The following OR7C1 variants were observed in gnomAD, a reference collection of about 807,000 sequenced individuals.
OR7C1 encodes the protein olfactory receptor family 7 subfamily C member 1, also known as olfactory receptor 7C1.
For synonymous variants in OR7C1, 152 were observed against 160.7 expected, an observed-to-expected ratio of 0.95 and a Z score of 0.41; for missense variants, 324 against 383.3, an observed-to-expected ratio of 0.85 and a Z score of 1.29.
chr19:14,815,226 C>T (rs1021048186), intron 1 of OR7C1, among the ~76,000 whole-genome samples: 5 of 152,266 alleles, frequency 3.3e-5, no homozygotes, highest in South Asian at 2.1e-4. Flanking sequence ...GGCTCTGGCT[C>T]GTCTACAGAG....
rs781463480 is a variant in OR7C1, at chr19:14,828,292, G to A, written c.-623+6782C>T. On this transcript the variant is annotated intron_variant, in intron 1 of 4. Coordinates refer to ENST00000641666, the Ensembl canonical transcript of OR7C1. ...GAGAGAGAAAGAGGGAAACGAGACA[G>A]GCATGCATTGCTAACCTTTCAGAAA... The A allele has an allele frequency of 4.5e-6, 7 of 1,542,184 alleles. No individual in the cohort carries two copies. The East Asian group carries it at 1.6e-4, about 35-fold the overall frequency.
chr19:14,811,367 A>G (rs1452132420), intron 1 of OR7C1, among the ~76,000 whole-genome samples: 4 of 151,542 alleles, frequency 2.6e-5, no homozygotes, highest in African/African-American at 4.9e-5. Context: ...CGTCATTTCA[A>G]TCTCCTCTGT....
exon 1 of OR7C1, chr19:14,835,098 A>C (rs1004492096): frequency 6.6e-6 from 1 of 152,176 alleles, no homozygotes; most frequent in African/African-American, 2.4e-5. Flanking sequence ...TCCGAGGAAG[A>C]GTTCCTTGTG....
Position 14,805,406 on chromosome 19 carries a change from A to ATTT in OR7C1, c.-435+4397_-435+4399dup, listed in dbSNP as rs33957500. Reference sequence around the variant, plus strand: ...GCAGGACCCAAGAAACAGGAAAATAATTTTTTTTTTTTTTTTTTTTTTTTT... The same window carrying ATTT: ...GCAGGACCCAAGAAACAGGAAAATAATTTTTTTTTTTTTTTTTTTTTTTTTTTT... On this transcript the variant is annotated intron_variant, in intron 2 of 4. Transcript: ENST00000641666. Among the ~76,000 whole-genome samples, 218 of 98,098 alleles carry ATTT rather than the reference A, an allele frequency of 2.2e-3. 11 individuals carry two copies. Among genetic ancestry groups the ATTT allele is most frequent in the African/African-American group, 6.4e-3 (156 of 24,434 alleles). 64.4% of individuals were successfully genotyped at this position (98,098 alleles called of 152,430 possible).
intron 2 of OR7C1, among the ~76,000 whole-genome samples, chr19:14,803,945 G>A (rs2044654514): frequency 6.6e-6 from 1 of 151,938 alleles, no homozygotes; most frequent in African/African-American, 2.4e-5. Context: ...TCCTGATCTC[G>A]TGATCCACCT....
At chr19:14,813,360 C>T (rs2044700277) in intron 1 of OR7C1, among the ~76,000 whole-genome samples, 2 of 151,994 alleles carry the variant, frequency 1.3e-5, no homozygotes, top group Admixed American at 6.6e-5. Context: ...TGAGACCATC[C>T]TGATCTAACT....
Position 14,827,437 on chromosome 19 carries a change from G to A in OR7C1, c.-623+7637C>T, listed in dbSNP as rs2044779484. On this transcript the variant is annotated intron_variant, in intron 1 of 4. Transcript: ENST00000641666. ...ATCACTGAGGCTGTTGCACTTGAGT[G>A]TGAGTTGCGGGTGGCAGCAGAACTA... 4 of 1,614,158 alleles carry A rather than the reference G, an allele frequency of 2.5e-6. No homozygotes were observed. The East Asian group carries it at 6.7e-5, about 27-fold the overall frequency.
intron 2 of OR7C1, among the ~76,000 whole-genome samples, chr19:14,809,360 T>A (rs1457753421): frequency 6.6e-6 from 1 of 151,864 alleles, no homozygotes; most frequent in Admixed American, 6.6e-5. Context: ...TAAAGGAAGG[T>A]CAGATCCGGC....
At chr19:14,799,019 G>A (rs1280205042) in exon 5 of OR7C1, 2 of 878,970 alleles carry the variant, frequency 2.3e-6, no homozygotes, top group Non-Finnish European at 3.2e-6. Context: ...CAAGGACTCT[G>A]TGGCCCTCCC....
chr19:14,801,818 C>T (rs567769671), intron 2 of OR7C1, among the ~76,000 whole-genome samples: 5 of 152,310 alleles, frequency 3.3e-5, no homozygotes, highest in South Asian at 4.1e-4. Context: ...CGCGCTAAGG[C>T]GGTAGCACCA....
intron 1 of OR7C1, among the ~76,000 whole-genome samples, chr19:14,817,973 G>A (rs2044723212): frequency 6.6e-6 from 1 of 152,090 alleles, no homozygotes; most frequent in South Asian, 2.1e-4. Flanking sequence ...TTTTGAGTAT[G>A]TTCCTGTATC....
At chr19:14,818,014 G>A (rs73504295) in intron 1 of OR7C1, among the ~76,000 whole-genome samples, 6,558 of 152,014 alleles carry the variant, frequency 0.043, 231 homozygotes, top group African/African-American at 0.091. Context: ...TGTATTATTT[G>A]CAAATGCTAC....
chr19:14,814,775 A>G lies in OR7C1; in HGVS notation c.-622-4782T>C, dbSNP rs149894529. ...ACCTCCTCTTGGCCAAAGGAATCCC[A>G]GAAAAACTTTTAAAACTTCACTTCC... On this transcript the variant is annotated intron_variant, in intron 1 of 4. Transcript: ENST00000641666. Among the ~76,000 whole-genome samples the G allele has an allele frequency of 2.6e-3, 403 of 152,306 alleles. 1 individual carries two copies. Among genetic ancestry groups the G allele is most frequent in the African/African-American group, 9.3e-3 (388 of 41,552 alleles).
Position 14,806,660 on chromosome 19 carries a change from T to C in OR7C1, c.-435+3146A>G, listed in dbSNP as rs148110307. Reference sequence around the variant, plus strand: ...TTTGGTTTTCCATTCCTGTGTTAGTTTGCTGAGGATGATGGCTTCCAGCTT... The same window carrying C: ...TTTGGTTTTCCATTCCTGTGTTAGTCTGCTGAGGATGATGGCTTCCAGCTT... On this transcript the variant is annotated intron_variant, in intron 2 of 4. Coordinates refer to ENST00000641666, the Ensembl canonical transcript of OR7C1. 4.1e-3 allele frequency among the ~76,000 whole-genome samples: 620 copies of C among 152,078 alleles called. 22 individuals are homozygous for C. In the East Asian group the frequency reaches 0.076, roughly 19 times the overall value.
At chr19:14,805,935 C>T (rs1320537325) in intron 2 of OR7C1, among the ~76,000 whole-genome samples, 1 of 151,902 alleles carries the variant, frequency 6.6e-6, no homozygotes, top group African/African-American at 2.4e-5. Context: ...TGAGTCAATC[C>T]AAAAATGTAA....
At chr19:14,813,754 T>C (rs1388090523) in intron 1 of OR7C1, among the ~76,000 whole-genome samples, 1 of 151,994 alleles carries the variant, frequency 6.6e-6, no homozygotes, top group Non-Finnish European at 1.5e-5. Context: ...AGCCAGATCT[T>C]GTGAAAACTC....
chr19:14,825,951 A>G (rs1008504003), intron 1 of OR7C1: 1 of 152,170 alleles, frequency 6.6e-6, no homozygotes, highest in Non-Finnish European at 1.5e-5. Flanking sequence ...GCTGCTTCTT[A>G]TTTTGGCATT....
chr19:14,799,698 C>G, exon 5 of OR7C1: 1 of 1,614,008 alleles, frequency 6.2e-7, no homozygotes, highest in Non-Finnish European at 8.5e-7. Flanking sequence ...CACCAGGACC[C>G]CAGAACCAGC....
At chr19:14,811,797 A>G (rs886405146) in intron 1 of OR7C1, among the ~76,000 whole-genome samples, 4 of 151,932 alleles carry the variant, frequency 2.6e-5, no homozygotes, top group Admixed American at 2.0e-4. Flanking sequence ...TTCACCTATT[A>G]AAAGGACTGT....
Sources: allele counts gnomAD v4.1 joint callset (sites outside exome capture counted in the v4.1 genomes callset), GRCh38; gene constraint gnomAD v4.1.1; transcripts MANE v1.5; gene names NCBI Gene and HGNC (gene_info 2026-07-23, HGNC 2026-07-21).